The following SNTG2 variants were observed in gnomAD, a reference collection of about 807,000 sequenced individuals.
SNTG2 encodes the protein syntrophin gamma 2, also known as gamma-2-syntrophin.
In SNTG2, 74 loss-of-function variants were observed where a neutral mutation model predicts 70.9. That is an observed-to-expected ratio of 1.04 (90% CI 0.86 to 1.27). The LOEUF is 1.27. Ranked by LOEUF, SNTG2 falls within the 50% of genes most tolerant of loss-of-function variation. The pLI, the probability that SNTG2 is intolerant of heterozygous loss-of-function variation, is 0.00. For missense variants in SNTG2, 717 were observed against 690.7 expected (o/e 1.04, Z -0.43); for synonymous variants, 278 against 273.8 (o/e 1.02, Z -0.15).
intron 1 of SNTG2, among the ~76,000 whole-genome samples, chr2:1,006,492 G>T (rs1233108130): frequency 6.6e-6 from 1 of 151,604 alleles, no homozygotes; most frequent in Non-Finnish European, 1.5e-5. Flanking sequence ...GTGGACCTCA[G>T]TATCATCATT....
chr2:1,310,596 A>G (rs1479301565), intron 15 of SNTG2, among the ~76,000 whole-genome samples: 1 of 152,086 alleles, frequency 6.6e-6, no homozygotes, highest in African/African-American at 2.4e-5. Context: ...ATTGCTCAAC[A>G]TGAAGACACA....
intron 1 of SNTG2, among the ~76,000 whole-genome samples, chr2:963,814 T>C (rs768634705): frequency 3.9e-5 from 6 of 152,268 alleles, no homozygotes; most frequent in Admixed American, 1.3e-4. Flanking sequence ...CACTCGGTAC[T>C]AAGTATAAAT....
At chr2:994,911 C>T (rs1156658683) in intron 1 of SNTG2, among the ~76,000 whole-genome samples, 1 of 150,660 alleles carries the variant, frequency 6.6e-6, no homozygotes, top group Non-Finnish European at 1.5e-5. Flanking sequence ...GCTTATTGAT[C>T]TCGTATCCTG....
At chr2:1,272,643 GAAAA>G (rs1336570616) in intron 14 of SNTG2, among the ~76,000 whole-genome samples, 22 of 151,792 alleles carry the variant, frequency 1.4e-4, no homozygotes, top group African/African-American at 5.1e-4. Context: ...ACACCCCAGG[GAAAA>G]AGTGTAGAAA....
intron 1 of SNTG2, among the ~76,000 whole-genome samples, chr2:1,073,221 A>G (rs908168724): frequency 5.9e-5 from 9 of 152,208 alleles, no homozygotes; most frequent in Non-Finnish European, 1.2e-4. Flanking sequence ...AAATTCTACC[A>G]AACAGCATCA....
chr2:956,217 GCCCCGCCCCTGCCCCA>G lies in SNTG2; in HGVS notation c.72+5154_72+5169del, dbSNP rs1351236838. ...CTGCCCTGCCACTGCCCCTGCCCCTGCCCCGCCCCTGCCCCACCCCTGCCCCGCCCCGCCCCTGCGC... is the reference window on the plus strand; with the variant it reads ...CTGCCCTGCCACTGCCCCTGCCCCTGCCCCTGCCCCGCCCCGCCCCTGCGC... On this transcript the variant is annotated intron_variant, in intron 1 of 16. Coordinates refer to ENST00000308624, the MANE Select transcript of SNTG2 (RefSeq NM_018968.4). 6.3e-4 allele frequency among the ~76,000 whole-genome samples: 29 copies of G among 46,036 alleles called. 1 individual carries two copies. The highest frequency in any genetic ancestry group is 2.1e-4 in the Non-Finnish European group (5 of 23,950). 30.2% of individuals were successfully genotyped at this position (46,036 alleles called of 152,430 possible).
At chr2:1,170,301 C>T (rs1671041900) in intron 7 of SNTG2, among the ~76,000 whole-genome samples, 2 of 152,204 alleles carry the variant, frequency 1.3e-5, no homozygotes, top group African/African-American at 4.8e-5. Context: ...TATTTCACTA[C>T]GTTGTAGAGG....
chr2:1,229,250 C>T (rs996348748), intron 9 of SNTG2, among the ~76,000 whole-genome samples: 14 of 152,124 alleles, frequency 9.2e-5, no homozygotes, highest in African/African-American at 2.9e-4. Context: ...TGACAGGGTG[C>T]TGATTGGTGC....
chr2:1,351,031 C>T (rs965903242), intron 16 of SNTG2, among the ~76,000 whole-genome samples: 13 of 151,856 alleles, frequency 8.6e-5, no homozygotes, highest in African/African-American at 2.9e-4. Flanking sequence ...ACGAAATTGA[C>T]CTTGTTCGGC....
chr2:1,339,316 C>G (rs1203287005), intron 16 of SNTG2, among the ~76,000 whole-genome samples: 1 of 152,172 alleles, frequency 6.6e-6, no homozygotes, highest in Non-Finnish European at 1.5e-5. Flanking sequence ...TGTAGTTTGT[C>G]TTTTCTCACT....
chr2:1,366,815 C>A (rs1661514072), intron 16 of SNTG2, among the ~76,000 whole-genome samples: 1 of 152,336 alleles, frequency 6.6e-6, no homozygotes, highest in South Asian at 2.1e-4. Flanking sequence ...CACATGCACC[C>A]ACACAGCAGG....
intron 1 of SNTG2, among the ~76,000 whole-genome samples, chr2:988,478 A>G (rs1257034223): frequency 1.3e-5 from 2 of 152,102 alleles, no homozygotes; most frequent in African/African-American, 2.4e-5. Flanking sequence ...GGCTTATCGC[A>G]ATGCTTCCAA....
chr2:1,163,570 C>G (rs1300653839), intron 6 of SNTG2: 1 of 151,512 alleles, frequency 6.6e-6, no homozygotes, highest in Non-Finnish European at 1.5e-5. Flanking sequence ...CCAACAGCAC[C>G]TGCGACCTGG....
At chr2:1,110,375 T>A (rs1159840090) in intron 4 of SNTG2, among the ~76,000 whole-genome samples, 2 of 152,256 alleles carry the variant, frequency 1.3e-5, no homozygotes, top group African/African-American at 4.8e-5. Flanking sequence ...GCCATGCACA[T>A]GCCTTCATTA....
intron 1 of SNTG2, among the ~76,000 whole-genome samples, chr2:999,181 C>T (rs1572206678): frequency 1.3e-5 from 2 of 151,948 alleles, no homozygotes; most frequent in East Asian, 3.9e-4. Flanking sequence ...ATAATAAAAG[C>T]ATACAAAAGT....
In SNTG2 at chr2:1,317,439, T is replaced by C. The variant is rs1187656377; in HGVS notation, c.1488+1064T>C. Among the ~76,000 whole-genome samples, 5 of 106,248 alleles carry C rather than the reference T, an allele frequency of 4.7e-5. 1 individual carries two copies. The highest frequency in any genetic ancestry group is 1.0e-4 in the Non-Finnish European group (5 of 48,512). 69.7% of individuals were successfully genotyped at this position (106,248 alleles called of 152,430 possible). On this transcript the variant is annotated intron_variant, in intron 16 of 16. Transcript: ENST00000308624. The stretch of plus-strand genomic sequence containing the variant: ...TGGAGAAGGTTGGGATTCTGGAGCA[T>C]GTAGCATGAGGCCAGCATTGGAGAA...
At chr2:987,300 T>C (rs1048960627) in intron 1 of SNTG2, among the ~76,000 whole-genome samples, 1 of 152,020 alleles carries the variant, frequency 6.6e-6, no homozygotes, top group African/African-American at 2.4e-5. Flanking sequence ...ACTGCAGGTG[T>C]GGTGGGCAGA....
intron 1 of SNTG2, among the ~76,000 whole-genome samples, chr2:1,008,403 A>G (rs1482419148): frequency 1.3e-5 from 2 of 152,164 alleles, no homozygotes; most frequent in Non-Finnish European, 1.5e-5. Flanking sequence ...AGTCATTTCT[A>G]TAATAGCTTT....
At chr2:1,100,882 A>C (rs1665743232) in intron 4 of SNTG2, among the ~76,000 whole-genome samples, 1 of 152,106 alleles carries the variant, frequency 6.6e-6, no homozygotes. Context: ...AATCCATTTT[A>C]CCTGTAGGGG....
Sources: allele counts gnomAD v4.1 joint callset (sites outside exome capture counted in the v4.1 genomes callset), GRCh38; gene constraint gnomAD v4.1.1; transcripts MANE v1.5; gene names NCBI Gene and HGNC (gene_info 2026-07-23, HGNC 2026-07-21).